The following PEMT variants were observed in gnomAD, a reference collection of about 807,000 sequenced individuals.
The protein encoded by PEMT is phospholipid methyltransferase.
PEMT carries 23 observed loss-of-function variants against 27.4 expected under a neutral mutation model. The observed-to-expected ratio is 0.84, with a 90% CI of 0.60 to 1.19. The LOEUF (loss-of-function observed/expected upper bound fraction) is 1.19, where lower values mean the gene tolerates loss of function less well. Ranked by LOEUF, PEMT falls within the 50% of genes most tolerant of loss-of-function variation. The probability of loss-of-function intolerance (pLI) is 0.00; values close to 1 mark genes in which losing one functional copy is unlikely to be tolerated. For synonymous variants in PEMT, 137 were observed against 139.1 expected, an observed-to-expected ratio of 0.98 and a Z score of 0.11; for missense variants, 307 against 310.1, an observed-to-expected ratio of 0.99 and a Z score of 0.07.
intron 2 of PEMT, among the ~76,000 whole-genome samples, chr17:17,560,021 A>C (rs4646369): frequency 6.6e-6 from 1 of 152,084 alleles, no homozygotes; most frequent in African/African-American, 2.4e-5. Context: ...GCCAAGACCC[A>C]GTCTCCAAGA....
rs1040179019 is a variant in PEMT at position 17,517,742 on chromosome 17, C to T, written c.320+4538G>A. Among the ~76,000 whole-genome samples, 3 of 152,226 alleles carry T rather than the reference C, an allele frequency of 2.0e-5. No homozygotes were observed. The East Asian group carries it at 5.8e-4, about 29-fold the overall frequency. The stretch of plus-strand genomic sequence containing the variant: ...GCCCCACGGCCTCTAGTATACAGAG[C>T]GCTGAGGTGAGTCCCCACCTGCCCT... On this transcript the variant is annotated intron_variant, in intron 3 of 6. Coordinates refer to ENST00000255389, the MANE Select transcript of PEMT (RefSeq NM_148172.3).
upstream of PEMT, chr17:17,591,786 A>T: frequency 7.0e-7 from 1 of 1,427,314 alleles, no homozygotes; most frequent in Non-Finnish European, 9.2e-7. Context: ...CGTCACCGCG[A>T]AGTGCCTCTT....
chr17:17,588,251 G>A (rs983859215), intron 1 of PEMT, among the ~76,000 whole-genome samples: 1 of 152,094 alleles, frequency 6.6e-6, no homozygotes, highest in South Asian at 2.1e-4. Flanking sequence ...CTAATATAAC[G>A]GCCTAATGTT....
chr17:17,577,574 C>T (rs1174161579), intron 1 of PEMT: 14 of 953,794 alleles, frequency 1.5e-5, no homozygotes, highest in Non-Finnish European at 1.0e-5. Context: ...ATACGGGGGG[C>T]ACGTGGACAC....
intron 1 of PEMT, among the ~76,000 whole-genome samples, chr17:17,588,716 A>T (rs1345721969): frequency 6.6e-6 from 1 of 151,902 alleles, no homozygotes; most frequent in Non-Finnish European, 1.5e-5. Flanking sequence ...GGGTGCCCGC[A>T]CCCCTAGGCC....
rs566533503 is a variant in PEMT, at chr17:17,551,466, C to T, written c.204+25454G>A. Among the ~76,000 whole-genome samples the T allele has an allele frequency of 1.7e-3, 265 of 152,336 alleles. 1 individual carries two copies. Among genetic ancestry groups the T allele is most frequent in the Middle Eastern group, 6.8e-3 (2 of 294 alleles). ...GCCCAGCAGGGTGGAGAAGCTGGCGCGGGCTTGCAGGCCTCCACAGCAGCC... is the reference window on the plus strand; with the variant it reads ...GCCCAGCAGGGTGGAGAAGCTGGCGTGGGCTTGCAGGCCTCCACAGCAGCC... On this transcript the variant is annotated intron_variant, in intron 2 of 6. Coordinates refer to ENST00000255389, the MANE Select transcript of PEMT (RefSeq NM_148172.3).
In PEMT at chr17:17,540,281, C is replaced by T. The variant is rs184000749; in HGVS notation, c.205-17886G>A. ...AAGACCCCCAACATGGGGCAATGGC[C>T]GGGACGAGGAGGGGGCTGCCCCAGG... is the stretch of plus-strand genomic sequence containing the variant. On this transcript the variant is annotated intron_variant, in intron 2 of 6. Coordinates refer to ENST00000255389, the MANE Select transcript of PEMT (RefSeq NM_148172.3). Among the ~76,000 whole-genome samples, 35 of 152,310 alleles carry T rather than the reference C, an allele frequency of 2.3e-4. No homozygotes were observed. The East Asian group carries it at 4.6e-3, about 20-fold the overall frequency.
intron 2 of PEMT, among the ~76,000 whole-genome samples, chr17:17,526,141 C>A (rs1050944183): frequency 4.6e-5 from 7 of 152,198 alleles, no homozygotes; most frequent in Admixed American, 2.6e-4. Flanking sequence ...AGCCCAGCCT[C>A]TCCCACACCC....
intron 1 of PEMT, among the ~76,000 whole-genome samples, chr17:17,584,891 T>C (rs1009660369): frequency 3.3e-5 from 5 of 152,166 alleles, no homozygotes; most frequent in African/African-American, 9.7e-5. Context: ...AGAGGTGCCA[T>C]GGGACGCCAG....
chr17:17,562,373 CAGTCACAGTGG>C (rs1235016488), intron 2 of PEMT, among the ~76,000 whole-genome samples: 1 of 152,208 alleles, frequency 6.6e-6, no homozygotes, highest in African/African-American at 2.4e-5. Flanking sequence ...ACCACCGTGA[CAGTCACAGTGG>C]AGGCACGGTT....
Position 17,574,264 on chromosome 17 carries a change from A to AC in PEMT, c.204+2655_204+2656insG, listed in dbSNP as rs926573998. Among the ~76,000 whole-genome samples the AC allele has an allele frequency of 5.5e-5, 8 of 145,988 alleles. 1 individual carries two copies. The highest frequency in any genetic ancestry group is 2.1e-4 in the Admixed American group (3 of 14,178). Reference sequence around the variant, plus strand: ...ATGACCAAAAAAAAAAAAAAAAAAAAACCGTATGCCAAACACACAGACACA... The same window carrying AC: ...ATGACCAAAAAAAAAAAAAAAAAAAACACCGTATGCCAAACACACAGACACA... On this transcript the variant is annotated intron_variant, in intron 2 of 6. Coordinates refer to ENST00000255389, the MANE Select transcript of PEMT (RefSeq NM_148172.3).
intron 2 of PEMT, among the ~76,000 whole-genome samples, chr17:17,562,272 C>T (rs967925353): frequency 3.3e-5 from 5 of 152,210 alleles, no homozygotes; most frequent in African/African-American, 9.6e-5. Flanking sequence ...AGATCGGATC[C>T]GCTGGATCCA....
At chr17:17,542,141 C>A (rs1908932265) in intron 2 of PEMT, among the ~76,000 whole-genome samples, 1 of 152,134 alleles carries the variant, frequency 6.6e-6, no homozygotes, top group Non-Finnish European at 1.5e-5. Context: ...CCACCACACC[C>A]AGCTAATTTT....
chr17:17,565,068 G>T (rs1910739615), intron 2 of PEMT, among the ~76,000 whole-genome samples: 1 of 152,160 alleles, frequency 6.6e-6, no homozygotes, highest in Non-Finnish European at 1.5e-5. Flanking sequence ...GAAAACTGTG[G>T]CTGGGGAATC....
At chr17:17,509,347 G>C (rs905829215) in intron 5 of PEMT, 87 bp downstream of exon 5, 1 of 820,576 alleles carries the variant, frequency 1.2e-6, no homozygotes, top group Non-Finnish European at 2.0e-6. Context: ...CTCTCTCCAG[G>C]GGCCCTGGCC....
At chr17:17,586,909 A>G (rs1912346622) in intron 1 of PEMT, among the ~76,000 whole-genome samples, 2 of 152,152 alleles carry the variant, frequency 1.3e-5, no homozygotes, top group African/African-American at 4.8e-5. Context: ...AGGCTGAGGC[A>G]GGAGAATTGC....
At chr17:17,518,005 C>T in intron 3 of PEMT, 1 of 985,588 alleles carries the variant, frequency 1.0e-6, no homozygotes. Flanking sequence ...TGATCGACAG[C>T]CACACTCCGA....
intron 1 of PEMT, among the ~76,000 whole-genome samples, chr17:17,589,132 T>G (rs1020106696): frequency 4.6e-4 from 70 of 152,238 alleles, no homozygotes; most frequent in Non-Finnish European, 1.2e-4. Context: ...GGCTAACTTT[T>G]TATATTTTTA....
At position 17,512,725 on chromosome 17, in the gene PEMT, C is replaced by T; in HGVS notation, c.321-71G>A. On this transcript the variant is annotated intron_variant, in intron 3 of 6. Coordinates refer to ENST00000255389, the MANE Select transcript of PEMT (RefSeq NM_148172.3). This position sits in a 1 kb window ranked among gnomAD's most constrained non-coding sequence, Gnocchi z 6.3. Reference sequence around the variant, plus strand: ...TGTCACAGCCCGGGAGGAGGCCGACCTCATCTTCTCGCCCTCTCCCCAGGG... The same window carrying T: ...TGTCACAGCCCGGGAGGAGGCCGACTTCATCTTCTCGCCCTCTCCCCAGGG... 1 of 1,375,868 alleles carries T rather than the reference C, an allele frequency of 7.3e-7. No individual in the cohort carries two copies. Among genetic ancestry groups the T allele is most frequent in the Non-Finnish European group, 9.6e-7 (1 of 1,044,888 alleles). 85.2% of individuals were successfully genotyped at this position (1,375,868 alleles called of 1,614,324 possible).
Sources: gnomAD v4.1 joint callset for allele counts (sites outside exome capture counted in the v4.1 genomes callset) on GRCh38, gnomAD v4.1.1 for gene constraint, Gnocchi (gnomAD v3.1) non-coding constraint, MANE v1.5 for transcripts, NCBI Gene and HGNC (gene_info 2026-07-23, HGNC 2026-07-21) for gene names.